Variants in ZNF407 observed in about 807,000 individuals in gnomAD.
ZNF407 encodes the protein zinc finger protein 407.
ZNF407 carries 17 observed loss-of-function variants against 131.2 expected under a neutral mutation model. That is an observed-to-expected ratio of 0.13 (90% CI 0.09 to 0.19). The LOEUF is 0.19. Among genes scored for constraint, ZNF407 ranks in the 10% least tolerant of loss-of-function variants. ZNF407 has a pLI of 1.00. For missense variants in ZNF407, 2,681 were observed against 2,830.6 expected (o/e 0.95, Z 1.20); for synonymous variants, 1,156 against 1,062.0 (o/e 1.09, Z -1.72).
intron 8 of ZNF407, among the ~76,000 whole-genome samples, chr18:74,962,151 A>G (rs1454336822): frequency 2.0e-5 from 3 of 152,018 alleles, no homozygotes; most frequent in Admixed American, 6.5e-5. Context: ...GTGTTTGCTC[A>G]TCACTATCTG....
At chr18:74,604,994 A>T (rs758998886) in intron 1 of ZNF407, among the ~76,000 whole-genome samples, 9 of 152,132 alleles carry the variant, frequency 5.9e-5, no homozygotes, top group South Asian at 2.1e-4. Context: ...TGACATTCTT[A>T]CCCTTATTAG....
intron 3 of ZNF407, among the ~76,000 whole-genome samples, chr18:74,644,240 C>T (rs1426913636): frequency 7.7e-6 from 1 of 129,640 alleles, no homozygotes; most frequent in Non-Finnish European, 1.6e-5. Context: ...CAAATGTGAT[C>T]GAGAGAGGAA....
At chr18:75,004,728 T>C (rs1188212183) in intron 8 of ZNF407, among the ~76,000 whole-genome samples, 2 of 152,230 alleles carry the variant, frequency 1.3e-5, no homozygotes, top group Admixed American at 6.5e-5. Flanking sequence ...TCTTCTGATA[T>C]CTTTGTTTTT....
intron 4 of ZNF407, among the ~76,000 whole-genome samples, chr18:74,851,171 T>G (rs993732344): frequency 6.6e-6 from 1 of 152,228 alleles, no homozygotes; most frequent in Non-Finnish European, 1.5e-5. Context: ...GGACTGATTA[T>G]TCAAACGTCT....
At chr18:75,016,938 C>T (rs1973051422) in intron 8 of ZNF407, among the ~76,000 whole-genome samples, 1 of 152,100 alleles carries the variant, frequency 6.6e-6, no homozygotes, top group Non-Finnish European at 1.5e-5. Context: ...TCTTAGCTTA[C>T]CCATTAGCTC....
chr18:74,663,294 A>C lies in ZNF407; in HGVS notation c.4802+22172A>C, dbSNP rs533271597. 1.3e-4 allele frequency among the ~76,000 whole-genome samples: 20 copies of C among 152,284 alleles called. No individual in the cohort carries two copies. The East Asian group carries it at 3.7e-3, about 28-fold the overall frequency. ...AAAACCAAATAACACTTCTGTATTGAAAGTTACCTACAGTAGTGGTTTCAT... is the reference window on the plus strand; with the variant it reads ...AAAACCAAATAACACTTCTGTATTGCAAGTTACCTACAGTAGTGGTTTCAT... On this transcript the variant is annotated intron_variant, in intron 3 of 8. Coordinates refer to ENST00000299687, the MANE Select transcript of ZNF407 (RefSeq NM_017757.3).
In ZNF407 at chr18:74,740,265, A is replaced by G. The variant is rs114803093; in HGVS notation, c.4803-41163A>G. 7.5e-3 allele frequency among the ~76,000 whole-genome samples: 1,145 copies of G among 152,280 alleles called. 19 individuals are homozygous for G. The highest frequency in any genetic ancestry group is 0.025 in the African/African-American group (1,032 of 41,544). The stretch of plus-strand genomic sequence containing the variant: ...CTTTGCCATCTCCTCTGACGTCTCT[A>G]TCAAATTTCAGTCTGCCTCTCTGAT... On this transcript the variant is annotated intron_variant, in intron 3 of 8. Transcript: ENST00000299687.
At chr18:74,696,552 T>G (rs1389875576) in intron 3 of ZNF407, among the ~76,000 whole-genome samples, 1 of 152,210 alleles carries the variant, frequency 6.6e-6, no homozygotes, top group Non-Finnish European at 1.5e-5. Context: ...ACCATTGATC[T>G]TAAGATGCCT....
intron 3 of ZNF407, among the ~76,000 whole-genome samples, chr18:74,762,398 T>C (rs1969115674): frequency 6.6e-6 from 1 of 152,200 alleles, no homozygotes; most frequent in African/African-American, 2.4e-5. Context: ...CGTTTTTAAC[T>C]TAAAAGTTTT....
chr18:74,601,465 A>T lies in ZNF407; in HGVS notation c.-54+3528A>T, dbSNP rs576302684. ...GAAGGGGGTGTTAGGCCATTCTTGC[A>T]TTGCCTAAAATGGAGAGATAGCCAA... is the stretch of plus-strand genomic sequence containing the variant. On this transcript the variant is annotated intron_variant, in intron 1 of 8. Coordinates refer to ENST00000299687, the MANE Select transcript of ZNF407 (RefSeq NM_017757.3). Among the ~76,000 whole-genome samples, 10 of 152,094 alleles carry T rather than the reference A, an allele frequency of 6.6e-5. No homozygotes were observed. The East Asian group carries it at 1.9e-3, about 29-fold the overall frequency.
intron 8 of ZNF407, among the ~76,000 whole-genome samples, chr18:75,005,174 C>G (rs1356880213): frequency 6.6e-6 from 1 of 152,042 alleles, no homozygotes; most frequent in Admixed American, 6.6e-5. Flanking sequence ...TGCATTTACC[C>G]CTTGGCAGTT....
At chr18:75,008,551 G>A (rs566540431) in intron 8 of ZNF407, among the ~76,000 whole-genome samples, 2 of 152,088 alleles carry the variant, frequency 1.3e-5, no homozygotes, top group Non-Finnish European at 2.9e-5. Flanking sequence ...TAACAGCGTT[G>A]CAAATATGGT....
intron 6 of ZNF407, among the ~76,000 whole-genome samples, chr18:74,882,256 G>A (rs981201083): frequency 1.3e-5 from 2 of 152,182 alleles, no homozygotes; most frequent in Admixed American, 6.5e-5. Context: ...GTGTGCCTGG[G>A]ACAGTGCTAA....
intron 4 of ZNF407, among the ~76,000 whole-genome samples, chr18:74,813,634 G>A (rs1482144214): frequency 6.6e-6 from 1 of 152,166 alleles, no homozygotes; most frequent in Admixed American, 6.5e-5. Context: ...GAAGCCAGAT[G>A]TGTGGCTGAC....
In ZNF407 at chr18:74,886,254, A is replaced by G. The variant is rs1971307145; in HGVS notation, c.5129-3664A>G. On this transcript the variant is annotated intron_variant, in intron 6 of 8. Transcript: ENST00000299687. ...GGAGGAATGCAGGTGTAAAGCGTTG[A>G]CTACAACAGGTGTTGGCGGGGATTT... Among the ~76,000 whole-genome samples the G allele has an allele frequency of 2.0e-5, 3 of 152,296 alleles. No individual in the cohort carries two copies. In the South Asian group the frequency reaches 6.2e-4, roughly 32 times the overall value.
chr18:75,000,258 T>A (rs1284741127), intron 8 of ZNF407, among the ~76,000 whole-genome samples: 1 of 152,244 alleles, frequency 6.6e-6, no homozygotes, highest in Non-Finnish European at 1.5e-5. Flanking sequence ...ACCAGTTGAA[T>A]GTATTATCTA....
chr18:74,768,995 C>T (rs557255123), intron 3 of ZNF407, among the ~76,000 whole-genome samples: 15 of 152,132 alleles, frequency 9.9e-5, no homozygotes, highest in Non-Finnish European at 1.8e-4. Flanking sequence ...TAGTCATGGT[C>T]ATCGTCGTCA....
rs549229324 is a variant in ZNF407, at chr18:74,780,724, A to T, written c.4803-704A>T. Among the ~76,000 whole-genome samples, 132 of 152,296 alleles carry T rather than the reference A, an allele frequency of 8.7e-4. 1 individual carries two copies. Among genetic ancestry groups the T allele is most frequent in the Admixed American group, 6.5e-3 (100 of 15,288 alleles). On this transcript the variant is annotated intron_variant, in intron 3 of 8. Coordinates refer to ENST00000299687, the MANE Select transcript of ZNF407 (RefSeq NM_017757.3). Reference sequence around the variant, plus strand: ...TCTGATCTAAGTTTTAAATAATCGCATGACGTAAATAAATTGATACTGCAC... The same window carrying T: ...TCTGATCTAAGTTTTAAATAATCGCTTGACGTAAATAAATTGATACTGCAC...
Position 74,793,975 on chromosome 18 carries a change from C to T in ZNF407, c.4877+12473C>T, listed in dbSNP as rs554592833. Reference sequence around the variant, plus strand: ...GTTAACCAGGGCTTCATCAAGCTCCCGCCGTCTGAGAAAGAAATGTTGATT... The same window carrying T: ...GTTAACCAGGGCTTCATCAAGCTCCTGCCGTCTGAGAAAGAAATGTTGATT... On this transcript the variant is annotated intron_variant, in intron 4 of 8. Transcript: ENST00000299687. Among the ~76,000 whole-genome samples the T allele has an allele frequency of 2.0e-5, 3 of 152,302 alleles. No individual in the cohort carries two copies. The East Asian group carries it at 5.8e-4, about 29-fold the overall frequency.
Sources: gnomAD v4.1 joint callset for allele counts (sites outside exome capture counted in the v4.1 genomes callset) on GRCh38, gnomAD v4.1.1 for gene constraint, MANE v1.5 for transcripts, NCBI Gene and HGNC (gene_info 2026-07-23, HGNC 2026-07-21) for gene names.